PXDNL: variants seen among roughly 807,000 people sequenced by gnomAD.
PXDNL encodes probable oxidoreductase PXDNL.
Under a neutral mutation model 150.8 loss-of-function variants are expected in PXDNL, and 145 were observed. That is an observed-to-expected ratio of 0.96 (90% CI 0.84 to 1.10). The LOEUF (loss-of-function observed/expected upper bound fraction) is 1.10. Among genes scored for constraint, PXDNL ranks in the 50% least tolerant of loss-of-function variants. The pLI is 0.00. For missense variants in PXDNL, 2,087 were observed against 1,873.9 expected (o/e 1.11, Z -2.10); for synonymous variants, 757 against 725.7 (o/e 1.04, Z -0.69).
chr8:51,602,193 G>A (rs1228897241), intron 2 of PXDNL, among the ~76,000 whole-genome samples: 2 of 151,510 alleles, frequency 1.3e-5, no homozygotes, highest in Non-Finnish European at 2.9e-5. Flanking sequence ...TCACAGGTGT[G>A]CTCTAGATTT....
intron 12 of PXDNL, among the ~76,000 whole-genome samples, chr8:51,433,488 G>T (rs910598389): frequency 6.6e-6 from 1 of 151,844 alleles, no homozygotes; most frequent in African/African-American, 2.4e-5. Flanking sequence ...TAAGTTTTTT[G>T]TCCATAATTT....
chr8:51,746,602 A>G (rs1025852618), intron 1 of PXDNL, among the ~76,000 whole-genome samples: 13 of 152,114 alleles, frequency 8.5e-5, no homozygotes, highest in African/African-American at 3.1e-4. Context: ...CTTGTTACAC[A>G]TGTAGCGTTT....
chr8:51,647,565 G>T (rs1814945153), intron 2 of PXDNL, among the ~76,000 whole-genome samples: 1 of 152,200 alleles, frequency 6.6e-6, no homozygotes, highest in Admixed American at 6.5e-5. Context: ...CAATGCAGAA[G>T]TTAAAATTTC....
intron 14 of PXDNL, among the ~76,000 whole-genome samples, chr8:51,419,233 C>G (rs1019868953): frequency 7.2e-5 from 11 of 152,210 alleles, no homozygotes; most frequent in Admixed American, 4.6e-4. Flanking sequence ...ACAATTTGAA[C>G]CAGTATATGC....
Position 51,484,653 on chromosome 8 carries a change from G to C in PXDNL, c.453-939C>G, listed in dbSNP as rs1480694903. 2.0e-5 allele frequency among the ~76,000 whole-genome samples: 3 copies of C among 152,150 alleles called. No homozygotes were observed. The East Asian group carries it at 5.8e-4, about 29-fold the overall frequency. On this transcript the variant is annotated intron_variant, in intron 5 of 22. Coordinates refer to ENST00000356297, the MANE Select transcript of PXDNL (RefSeq NM_144651.5). ...TCTACATGTCCGGAGCTGGATCACA[G>C]AGAGGTGCACTTATGAGGTCATGCC...
chr8:51,689,112 C>G (rs2130859467), intron 1 of PXDNL, among the ~76,000 whole-genome samples: 1 of 152,340 alleles, frequency 6.6e-6, no homozygotes, highest in Non-Finnish European at 1.5e-5. Context: ...TCTGTTCAAA[C>G]AGCAGGTTGC....
chr8:51,409,254 C>G lies in PXDNL; in HGVS notation c.2370G>C (p.Ala790=). 6.7e-7 allele frequency: 1 copy of G among 1,492,098 alleles called. No homozygotes were observed. Among genetic ancestry groups the G allele is most frequent in the Non-Finnish European group, 8.9e-7 (1 of 1,123,588 alleles). The allele number at this position is 1,492,098 out of a possible 1,614,324, so 92.4% of individuals were successfully genotyped here. A position where few individuals can be genotyped will look rare whatever the true frequency, so the allele number is the denominator to read the frequency against. The change falls in exon 17 of 23, where the codon GCG becomes GCC. Residue 790 remains alanine, a synonymous_variant. Transcript: ENST00000356297. ...AGCTGTGGTCGGGGGTGACGGCCGC[C>G]GCGCGCGCCCACACTGTGGCGACCA... is the stretch of plus-strand genomic sequence containing the variant. ...PRLVATVWAR[A]AAVTPDHSYT...
At chr8:51,521,178 G>T (rs1305252433) in intron 4 of PXDNL, among the ~76,000 whole-genome samples, 1 of 152,146 alleles carries the variant, frequency 6.6e-6, no homozygotes, top group Non-Finnish European at 1.5e-5. Context: ...GGAGTATGAG[G>T]CTACAGTGTG....
intron 1 of PXDNL, among the ~76,000 whole-genome samples, chr8:51,807,625 T>A (rs768674733): frequency 6.6e-6 from 1 of 152,186 alleles, no homozygotes; most frequent in South Asian, 2.1e-4. Context: ...CAGACAGGAA[T>A]CTAGCCAAGG....
chr8:51,604,316 GC>G (rs1332951287), intron 2 of PXDNL, among the ~76,000 whole-genome samples: 1 of 152,132 alleles, frequency 6.6e-6, no homozygotes, highest in Non-Finnish European at 1.5e-5. Flanking sequence ...ATACTATGCA[GC>G]CATAAAAAAT....
chr8:51,488,357 G>A (rs888110334), intron 5 of PXDNL, among the ~76,000 whole-genome samples: 6 of 152,086 alleles, frequency 3.9e-5, no homozygotes, highest in East Asian at 1.9e-4. Context: ...AAACAGTTAC[G>A]GCAGGGGCAG....
rs1162405522 is a variant in PXDNL, at chr8:51,800,872, A to G, written c.164+8309T>C. On this transcript the variant is annotated intron_variant, in intron 1 of 22. Coordinates refer to ENST00000356297, the MANE Select transcript of PXDNL (RefSeq NM_144651.5). ...CCACTATTGTACAAATTGATTATAG[A>G]ACATGTGTTTGACAATATGAAATCT... 2.0e-5 allele frequency among the ~76,000 whole-genome samples: 3 copies of G among 152,324 alleles called. No homozygotes were observed. The East Asian group carries it at 5.8e-4, about 29-fold the overall frequency.
At chr8:51,763,233 T>C (rs1374523484) in intron 1 of PXDNL, among the ~76,000 whole-genome samples, 1 of 151,756 alleles carries the variant, frequency 6.6e-6, no homozygotes. Flanking sequence ...TTAGCAAAAA[T>C]GTTTTCAAAT....
intron 1 of PXDNL, among the ~76,000 whole-genome samples, chr8:51,777,201 T>C (rs1485342117): frequency 6.6e-6 from 1 of 152,232 alleles, no homozygotes; most frequent in Non-Finnish European, 1.5e-5. Context: ...CGAGTTCCAA[T>C]CTTCCAACAT....
At chr8:51,600,140 ACC>A (rs1356599941) in intron 2 of PXDNL, among the ~76,000 whole-genome samples, 1 of 145,514 alleles carries the variant, frequency 6.9e-6, no homozygotes, top group Non-Finnish European at 1.5e-5. Context: ...AATAAATTAT[ACC>A]TTATATAAAT....
chr8:51,687,816 G>T (rs1056723867), intron 1 of PXDNL, among the ~76,000 whole-genome samples: 2 of 152,224 alleles, frequency 1.3e-5, no homozygotes, highest in South Asian at 2.1e-4. Context: ...TGGAGGGAAA[G>T]TCAGGCCTCA....
chr8:51,491,411 AGC>A (rs1390943859), intron 5 of PXDNL, among the ~76,000 whole-genome samples: 1 of 152,216 alleles, frequency 6.6e-6, no homozygotes, highest in African/African-American at 2.4e-5. Flanking sequence ...TTCTTTCAGG[AGC>A]TCTATTTTAT....
At chr8:51,640,024 C>T (rs1355655500) in intron 2 of PXDNL, among the ~76,000 whole-genome samples, 1 of 152,136 alleles carries the variant, frequency 6.6e-6, no homozygotes, top group Non-Finnish European at 1.5e-5. Flanking sequence ...TGGGCTTCAT[C>T]CCTGGGATGG....
chr8:51,770,532 T>C (rs1478327385), intron 1 of PXDNL, among the ~76,000 whole-genome samples: 1 of 152,224 alleles, frequency 6.6e-6, no homozygotes, highest in Non-Finnish European at 1.5e-5. Flanking sequence ...CATTGGTCCA[T>C]GAGTCCAGGA....
Sources: allele counts gnomAD v4.1 joint callset (sites outside exome capture counted in the v4.1 genomes callset), GRCh38; gene constraint gnomAD v4.1.1; transcripts MANE v1.5; gene names NCBI Gene and HGNC (gene_info 2026-07-23, HGNC 2026-07-21).